Variants in ANKS1B observed in about 807,000 individuals in gnomAD.
The protein encoded by ANKS1B is ankyrin repeat and sterile alpha motif domain containing 1B.
In ANKS1B, 36 loss-of-function variants were observed where a neutral mutation model predicts 148.3. The observed-to-expected ratio is 0.24, with a 90% CI of 0.19 to 0.32. The LOEUF is 0.32. Ranked by LOEUF, ANKS1B falls within the 10% of genes least tolerant of loss-of-function variation. The probability of loss-of-function intolerance (pLI) is 1.00; values close to 1 mark genes in which losing one functional copy is unlikely to be tolerated. For missense variants in ANKS1B, 1,157 were observed against 1,542.6 expected (o/e 0.75, Z 4.19); for synonymous variants, 542 against 560.8 (o/e 0.97, Z 0.47).
intron 10 of ANKS1B, among the ~76,000 whole-genome samples, chr12:99,498,952 A>T (rs2096630053): frequency 6.6e-6 from 1 of 152,218 alleles, no homozygotes; most frequent in Non-Finnish European, 1.5e-5. Flanking sequence ...ACAAGGGACT[A>T]GTCATAGCAG....
chr12:99,730,201 G>A, intron 8 of ANKS1B, among the ~76,000 whole-genome samples: 1 of 152,236 alleles, frequency 6.6e-6, no homozygotes, highest in South Asian at 2.1e-4. Flanking sequence ...TGAAGGAGTA[G>A]TTCCTACATT....
chr12:99,035,322 A>T (rs2153473522), intron 17 of ANKS1B, among the ~76,000 whole-genome samples: 1 of 152,202 alleles, frequency 6.6e-6, no homozygotes, highest in Middle Eastern at 3.4e-3. Context: ...AGGTCGTAAT[A>T]CCCCCATTCC....
At chr12:98,837,902 G>A (rs1431582500) in intron 17 of ANKS1B, among the ~76,000 whole-genome samples, 1 of 151,958 alleles carries the variant, frequency 6.6e-6, no homozygotes, top group Non-Finnish European at 1.5e-5. Context: ...TAGCTATACT[G>A]CTTTCCCATT....
At chr12:99,033,075 C>A (rs2099953273) in intron 17 of ANKS1B, among the ~76,000 whole-genome samples, 1 of 152,192 alleles carries the variant, frequency 6.6e-6, no homozygotes, top group Non-Finnish European at 1.5e-5. Context: ...TTACTTTCTA[C>A]CCAGGTCAAT....
chr12:99,256,371 A>T (rs2075274057), intron 12 of ANKS1B, among the ~76,000 whole-genome samples: 1 of 152,158 alleles, frequency 6.6e-6, no homozygotes, highest in Admixed American at 6.5e-5. Flanking sequence ...TCTATAATAA[A>T]TATTGTTGTC....
intron 17 of ANKS1B, among the ~76,000 whole-genome samples, chr12:98,974,027 G>T (rs2099887165): frequency 6.6e-6 from 1 of 152,140 alleles, no homozygotes; most frequent in African/African-American, 2.4e-5. Flanking sequence ...AACCCTTGTG[G>T]ATAAGAGAGG....
At chr12:98,838,244 A>G (rs951734173) in intron 17 of ANKS1B, among the ~76,000 whole-genome samples, 6 of 152,196 alleles carry the variant, frequency 3.9e-5, no homozygotes, top group African/African-American at 1.4e-4. Context: ...TAATTCTATC[A>G]TCCTACAATT....
At chr12:98,975,448 C>A (rs1448766049) in intron 17 of ANKS1B, among the ~76,000 whole-genome samples, 1 of 151,930 alleles carries the variant, frequency 6.6e-6, no homozygotes, top group Non-Finnish European at 1.5e-5. Context: ...TGCCTTCCTG[C>A]CTTGCAGTCA....
chr12:99,026,611 C>T (rs1378399440), intron 17 of ANKS1B, among the ~76,000 whole-genome samples: 1 of 36,114 alleles, frequency 2.8e-5, no homozygotes, highest in Non-Finnish European at 6.6e-5. Flanking sequence ...TTCAGAAATG[C>T]ATTAAAAATT....
intron 12 of ANKS1B, among the ~76,000 whole-genome samples, chr12:99,267,900 G>T (rs888068451): frequency 2.0e-5 from 3 of 152,126 alleles, no homozygotes; most frequent in African/African-American, 7.2e-5. Flanking sequence ...AAACTGAGTT[G>T]TTTTGTATGT....
intron 8 of ANKS1B, among the ~76,000 whole-genome samples, chr12:99,684,709 G>C (rs1240048525): frequency 6.6e-6 from 1 of 152,074 alleles, no homozygotes; most frequent in Non-Finnish European, 1.5e-5. Flanking sequence ...AAAACAGCTT[G>C]GTACAGGTAT....
chr12:99,638,469 T>C (rs550222262), intron 9 of ANKS1B, among the ~76,000 whole-genome samples: 1 of 152,320 alleles, frequency 6.6e-6, no homozygotes, highest in South Asian at 2.1e-4. Flanking sequence ...GCAAAGAGAC[T>C]GGTAGCATTT....
At chr12:99,775,683 A>G in intron 6 of ANKS1B, 22 bp from the exon 7 acceptor site, 1 of 1,309,086 alleles carries the variant, frequency 7.6e-7, no homozygotes, top group Non-Finnish European at 1.1e-6. Context: ...CATTTTTGAG[A>G]TTACATACTT....
At chr12:99,805,073 C>G (rs1262364016) in intron 4 of ANKS1B, among the ~76,000 whole-genome samples, 1 of 151,886 alleles carries the variant, frequency 6.6e-6, no homozygotes, top group Non-Finnish European at 1.5e-5. Context: ...AATTGCCAAT[C>G]ACAGAATTAT....
At chr12:99,323,816 A>T (rs2085781646) in intron 12 of ANKS1B, among the ~76,000 whole-genome samples, 1 of 152,184 alleles carries the variant, frequency 6.6e-6, no homozygotes, top group Non-Finnish European at 1.5e-5. Context: ...GTAGGAAGGA[A>T]GGCTGAGAAG....
intron 8 of ANKS1B, among the ~76,000 whole-genome samples, chr12:99,767,698 A>G (rs968736221): frequency 6.6e-6 from 1 of 152,164 alleles, no homozygotes; most frequent in Non-Finnish European, 1.5e-5. Flanking sequence ...ATAATGTCCT[A>G]ATTCAACTTA....
At chr12:99,209,967 C>A (rs1045972227) in intron 14 of ANKS1B, among the ~76,000 whole-genome samples, 1 of 152,154 alleles carries the variant, frequency 6.6e-6, no homozygotes, top group Non-Finnish European at 1.5e-5. Context: ...CTCCCCTACA[C>A]AGAAACATTC....
At chr12:99,425,189 T>C (rs767600316) in intron 11 of ANKS1B, among the ~76,000 whole-genome samples, 30 of 152,116 alleles carry the variant, frequency 2.0e-4, no homozygotes, top group Middle Eastern at 3.4e-3. Context: ...GTTGTACATA[T>C]TACAAATTTG....
chr12:98,825,451 T>G (rs1184518981), intron 19 of ANKS1B, among the ~76,000 whole-genome samples: 2 of 152,218 alleles, frequency 1.3e-5, no homozygotes, highest in East Asian at 3.8e-4. Flanking sequence ...TTTTTAAATC[T>G]TAGGCAAGAG....
Sources: allele counts gnomAD v4.1 joint callset (sites outside exome capture counted in the v4.1 genomes callset), GRCh38; gene constraint gnomAD v4.1.1; transcripts MANE v1.5; gene names NCBI Gene and HGNC (gene_info 2026-07-23, HGNC 2026-07-21).